The following MTR variants were observed in gnomAD, a reference collection of about 807,000 sequenced individuals.
MTR encodes methionine synthase.
A neutral mutation model predicts 154.8 loss-of-function variants in MTR; 84 were observed. The ratio of observed to expected loss-of-function variants is 0.54; its 90% CI spans 0.45 to 0.65. The LOEUF is 0.65. Ranked by LOEUF, MTR falls within the 30% of genes least tolerant of loss-of-function variation. MTR has a pLI of 0.00. For synonymous variants in MTR, 554 were observed against 553.9 expected (o/e 1.00, Z 0.00); for missense variants, 1,275 against 1,570.2 (o/e 0.81, Z 3.18).
intron 13 of MTR, among the ~76,000 whole-genome samples, chr1:236,832,690 G>T (rs1204010674): frequency 6.6e-6 from 1 of 152,178 alleles, no homozygotes; most frequent in Non-Finnish European, 1.5e-5. Context: ...GAGGAATTTT[G>T]CCTGGGCCTT....
Position 236,903,804 on chromosome 1 carries a change from C to T in MTR, c.*6160C>T, listed in dbSNP as rs1667023259. On this transcript the variant is annotated 3_prime_UTR_variant, in exon 33 of 33. Transcript: ENST00000366577. ...AGAAACTCGGCAAAGAGAAAAAGGA[C>T]ATTTCCCTCCAGGTTATCTGAAAGA... The T allele has an allele frequency of 6.6e-6, 1 of 152,184 alleles. No homozygotes were observed. Among genetic ancestry groups the T allele is most frequent in the Admixed American group, 6.5e-5 (1 of 15,282 alleles). 9.4% of individuals were successfully genotyped at this position (152,184 alleles called of 1,614,324 possible). A position where few individuals can be genotyped will look rare whatever the true frequency, so the allele number is the denominator to read the frequency against.
Position 236,894,506 on chromosome 1 carries a change from T to G in MTR, c.3354T>G (p.Gly1118=), listed in dbSNP as rs1354948942. ...EELSKAYEDD[G]DDYSSIMVKA... is the part of the protein sequence containing the mutation. ...TGAGCAAGGCCTATGAGGATGATGG[T>G]GACGACTACAGCAGCATCATGGTCA... The change falls in exon 30 of 33, where the codon GGT becomes GGG. Residue 1118 remains glycine, a synonymous_variant. Transcript: ENST00000366577. The G allele has an allele frequency of 6.2e-7, 1 of 1,614,000 alleles. No homozygotes were observed. The highest frequency in any genetic ancestry group is 8.5e-7 in the Non-Finnish European group (1 of 1,180,042).
In MTR at chr1:236,876,274, C is replaced by T. The variant is rs574183687; in HGVS notation, c.2594+1428C>T. On this transcript the variant is annotated intron_variant, in intron 24 of 32. Transcript: ENST00000366577. ...ATGTGTCTTTTATCCATTAGCTGTTCTTCATACTTGAAGGATTCGATAGTT... is the reference window on the plus strand; with the variant it reads ...ATGTGTCTTTTATCCATTAGCTGTTTTTCATACTTGAAGGATTCGATAGTT... 4.2e-4 allele frequency among the ~76,000 whole-genome samples: 64 copies of T among 152,300 alleles called. No homozygotes were observed. In the South Asian group the frequency reaches 0.012, roughly 30 times the overall value.
chr1:236,816,789 C>T (rs964825018), intron 8 of MTR, among the ~76,000 whole-genome samples: 1 of 152,178 alleles, frequency 6.6e-6, no homozygotes, highest in Non-Finnish European at 1.5e-5. Context: ...TTTCTGTAGG[C>T]GTGCCCCTTA....
intron 25 of MTR, among the ~76,000 whole-genome samples, chr1:236,881,888 A>G (rs1665756062): frequency 6.6e-6 from 1 of 152,148 alleles, no homozygotes; most frequent in Admixed American, 6.5e-5. Flanking sequence ...CATTTTAGAG[A>G]TCAGGAGACA....
rs1664011838 is a variant in MTR at position 236,853,096 on chromosome 1, G to A, written c.1953+8G>A. The A allele has an allele frequency of 6.2e-7, 1 of 1,613,702 alleles. No individual in the cohort carries two copies. The highest frequency in any genetic ancestry group is 1.1e-5 in the South Asian group (1 of 91,076). On this transcript the variant is annotated splice_region_variant and intron_variant, in intron 18 of 32. Coordinates refer to ENST00000366577, the MANE Select transcript of MTR (RefSeq NM_000254.3). ...CTCTTACGTTATGCCCAGGTAGAGA[G>A]ACAAGTGTTCTAATAGATGGATTTT...
At chr1:236,818,334 T>A (rs902610903) in intron 8 of MTR, among the ~76,000 whole-genome samples, 5 of 131,042 alleles carry the variant, frequency 3.8e-5, no homozygotes, top group Admixed American at 3.2e-4. Context: ...TTCCTAGCGA[T>A]TAGGTAAAAC....
intron 17 of MTR, 35 bp downstream of exon 17, chr1:236,852,672 A>G: frequency 6.4e-7 from 1 of 1,573,462 alleles, no homozygotes; most frequent in Non-Finnish European, 8.7e-7. Flanking sequence ...TGCGGAAACC[A>G]GTTTTTAGTT....
intron 18 of MTR, among the ~76,000 whole-genome samples, chr1:236,854,948 A>T (rs573641512): frequency 6.6e-6 from 1 of 152,332 alleles, no homozygotes; most frequent in South Asian, 2.1e-4. Flanking sequence ...CTCATTCTTA[A>T]TGTAACCACG....
At position 236,895,617 on chromosome 1, in the gene MTR, C is replaced by G. The variant is rs1666582542; in HGVS notation, c.3598+67C>G. ...GTAGATACTCTTATCAGCATACTGGCACTTAGGGTTAAACATGTTTTTAAA... is the reference window on the plus strand; with the variant it reads ...GTAGATACTCTTATCAGCATACTGGGACTTAGGGTTAAACATGTTTTTAAA... On this transcript the variant is annotated intron_variant, in intron 31 of 32. Coordinates refer to ENST00000366577, the MANE Select transcript of MTR (RefSeq NM_000254.3). The G allele has an allele frequency of 2.7e-6, 4 of 1,485,516 alleles. No homozygotes were observed. In the Admixed American group the frequency reaches 8.3e-5, roughly 31 times the overall value. The allele number at this position is 1,485,516 out of a possible 1,614,324, so 92.0% of individuals were successfully genotyped here.
At position 236,889,324 on chromosome 1, in the gene MTR, G is replaced by A. The variant is rs780820342; in HGVS notation, c.2995G>A (p.Asp999Asn). 1.9e-6 allele frequency: 3 copies of A among 1,614,064 alleles called. No homozygotes were observed. The highest frequency in any genetic ancestry group is 1.7e-6 in the Non-Finnish European group (2 of 1,180,044). Residue 999 changes from aspartate to asparagine, a missense_variant, in exon 28 of 33, where the codon GAC (aspartate) becomes AAC (asparagine). By Grantham distance (23) the Asp-to-Asn change is conservative. Transcript: ENST00000366577. ...TCGAGGCTTTCCCAAGATATTTAAC[G>A]ACAAAACAGTAGGTTAGTGCAGTAA... ...PNRGFPKIFN[D>N]KTVGGEARKV...
At chr1:236,870,929 T>C (rs1665090186) in intron 22 of MTR, among the ~76,000 whole-genome samples, 1 of 152,164 alleles carries the variant, frequency 6.6e-6, no homozygotes, top group Admixed American at 6.5e-5. Flanking sequence ...TTTCACAGTA[T>C]TTCCAGGATC....
intron 8 of MTR, among the ~76,000 whole-genome samples, chr1:236,817,069 A>G (rs1661637125): frequency 6.6e-6 from 1 of 152,200 alleles, no homozygotes; most frequent in African/African-American, 2.4e-5. Context: ...CTTGGCCAAC[A>G]TAGCAGGATC....
intron 29 of MTR, among the ~76,000 whole-genome samples, chr1:236,892,262 A>G (rs1553329634): frequency 6.6e-6 from 1 of 152,176 alleles, no homozygotes; most frequent in Non-Finnish European, 1.5e-5. Context: ...GCTTGAGCCT[A>G]GGAGTTTGAG....
At chr1:236,803,300 A>T in intron 1 of MTR, 128 bp from the exon 2 acceptor site, 2 of 925,490 alleles carry the variant, frequency 2.2e-6, no homozygotes, top group East Asian at 2.6e-5. Flanking sequence ...ATATAGAGTT[A>T]TGAGTGCATC....
intron 15 of MTR, among the ~76,000 whole-genome samples, chr1:236,850,050 A>G (rs1362830394): frequency 6.6e-6 from 1 of 152,036 alleles, no homozygotes; most frequent in Non-Finnish European, 1.5e-5. Flanking sequence ...TTAAGGTTTG[A>G]TTTTTTGCAG....
Position 236,803,409 on chromosome 1 carries a change from A to G in MTR, c.35-19A>G, listed in dbSNP as rs372886393. ...TTCACCTTTCATTCTTTGAAGTCAA[A>G]CTTTCACTTTCTTTAAAGAAGGTCT... is the stretch of plus-strand genomic sequence containing the variant. On this transcript the variant is annotated intron_variant, in intron 1 of 32. Coordinates refer to ENST00000366577, the MANE Select transcript of MTR (RefSeq NM_000254.3). 339 of 1,611,318 alleles carry G rather than the reference A, an allele frequency of 2.1e-4. 1 individual carries two copies. The highest frequency in any genetic ancestry group is 2.8e-4 in the Non-Finnish European group (329 of 1,177,602).
rs187560413 is a variant in MTR at position 236,877,795 on chromosome 1, A to G, written c.2594+2949A>G. ...GGATATGCCTATGATCATCTTCATTAGCTATTGCCACATAGTTTTCCAAAT... is the reference window on the plus strand; with the variant it reads ...GGATATGCCTATGATCATCTTCATTGGCTATTGCCACATAGTTTTCCAAAT... On this transcript the variant is annotated intron_variant, in intron 24 of 32. Transcript: ENST00000366577. Among the ~76,000 whole-genome samples the G allele has an allele frequency of 1.5e-4, 23 of 152,316 alleles. No individual in the cohort carries two copies. In the East Asian group the frequency reaches 4.3e-3, roughly 28 times the overall value.
chr1:236,850,590 A>G (rs538269311), intron 16 of MTR, 67 bp downstream of exon 16: 1 of 1,376,556 alleles, frequency 7.3e-7, no homozygotes, highest in Admixed American at 1.7e-5. Flanking sequence ...ATGAATGGTT[A>G]GAACTAACTT....
Sources: allele counts gnomAD v4.1 joint callset (sites outside exome capture counted in the v4.1 genomes callset), GRCh38; gene constraint gnomAD v4.1.1; transcripts MANE v1.5; gene names NCBI Gene and HGNC (gene_info 2026-07-23, HGNC 2026-07-21).